The following LGR4 variants were observed in gnomAD, a reference collection of about 807,000 sequenced individuals.
LGR4 encodes the protein leucine rich repeat containing G protein-coupled receptor 4.
A neutral mutation model predicts 84.8 loss-of-function variants in LGR4; 44 were observed. That is an observed-to-expected ratio of 0.52 (90% CI 0.41 to 0.67). LGR4 has a LOEUF of 0.67. LGR4 is among the 30% of genes least tolerant of loss of function. The pLI, the probability that LGR4 is intolerant of heterozygous loss-of-function variation, is 0.00. For missense variants in LGR4, 1,032 were observed against 1,131.4 expected (o/e 0.91, Z 1.26); for synonymous variants, 429 against 434.3 (o/e 0.99, Z 0.15).
intron 3 of LGR4, 64 bp from the exon 4 acceptor site, chr11:27,391,229 C>G (rs924218335): frequency 3.1e-6 from 2 of 637,610 alleles, no homozygotes; most frequent in Non-Finnish European, 2.5e-6. Flanking sequence ...TAGAAAAATT[C>G]AGAGCCTTTT....
At chr11:27,371,520 T>G (rs1200120904) in intron 17 of LGR4, 95 bp downstream of exon 17, 1 of 833,524 alleles carries the variant, frequency 1.2e-6, no homozygotes, top group East Asian at 2.5e-5. Flanking sequence ...GTACCATCCC[T>G]ATTACAGAAA....
intron 4 of LGR4, among the ~76,000 whole-genome samples, chr11:27,389,793 AGT>A (rs1381241597): frequency 1.3e-5 from 2 of 152,140 alleles, no homozygotes; most frequent in Non-Finnish European, 2.9e-5. Flanking sequence ...GAGGTGAGAG[AGT>A]GTGTGAAGTC....
intron 4 of LGR4, among the ~76,000 whole-genome samples, chr11:27,386,351 A>G (rs932395508): frequency 1.3e-5 from 2 of 152,236 alleles, no homozygotes; most frequent in African/African-American, 4.8e-5. Flanking sequence ...ACAATCTGGT[A>G]TTAATATGAT....
intron 1 of LGR4, among the ~76,000 whole-genome samples, chr11:27,459,539 C>T (rs981319710): frequency 3.3e-5 from 5 of 151,034 alleles, no homozygotes; most frequent in South Asian, 2.1e-4. Flanking sequence ...TGCAGTGGTG[C>T]GATCTCGGTT....
intron 4 of LGR4, among the ~76,000 whole-genome samples, chr11:27,388,774 T>C (rs1361482403): frequency 4.6e-5 from 7 of 152,130 alleles, no homozygotes; most frequent in Non-Finnish European, 1.0e-4. Flanking sequence ...AATGTAAGTG[T>C]TATAAACATA....
chr11:27,369,143 C>T lies in LGR4; in HGVS notation c.1580G>A (p.Gly527Asp). ...QIIIHCTPSTGAFKPCEYLLG... is the reference protein window; with the variant it reads ...QIIIHCTPSTDAFKPCEYLLG... ...TAAATATTCACAGGGCTTAAAAGCACCTAAAAAAAACACACACAGAGAGAG... is the reference window on the plus strand; with the variant it reads ...TAAATATTCACAGGGCTTAAAAGCATCTAAAAAAAACACACACAGAGAGAG... The change falls in exon 18 of 18, where the codon GGT becomes GAT. Residue 527 changes from glycine to aspartate, a missense_variant and splice_region_variant. Transcript: ENST00000379214. The T allele has an allele frequency of 6.4e-7, 1 of 1,562,256 alleles. No homozygotes were observed. Among genetic ancestry groups the T allele is most frequent in the Non-Finnish European group, 8.6e-7 (1 of 1,157,604 alleles).
At chr11:27,427,480 G>T (rs1449984418) in intron 1 of LGR4, among the ~76,000 whole-genome samples, 1 of 152,116 alleles carries the variant, frequency 6.6e-6, no homozygotes, top group African/African-American at 2.4e-5. Flanking sequence ...CTGCAGTCTC[G>T]GAACAACCTA....
chr11:27,368,664 A>G lies in LGR4; in HGVS notation c.2059T>C (p.Tyr687His). 6.2e-7 allele frequency: 1 copy of G among 1,613,842 alleles called. No individual in the cohort carries two copies. The highest frequency in any genetic ancestry group is 8.5e-7 in the Non-Finnish European group (1 of 1,179,876). The change falls in exon 18 of 18, where the codon TAT becomes CAT. Residue 687 changes from tyrosine to histidine, a missense_variant. Physicochemically the swap from Tyr to His is moderately conservative, Grantham distance 83. Transcript: ENST00000379214. Reference protein sequence around the residue: ...GCFPLFHRGEYSASPLCLPFP... With the variant: ...GCFPLFHRGEHSASPLCLPFP... ...GGCAAACAAAGGGGTGATGCAGAAT[A>G]TTCCCCTCTATGGAAAAGGGGAAAA... is the stretch of plus-strand genomic sequence containing the variant.
At chr11:27,378,885 C>T (rs1863038106) in intron 10 of LGR4, 117 bp from the exon 11 acceptor site, 2 of 674,568 alleles carry the variant, frequency 3.0e-6, no homozygotes, top group Non-Finnish European at 2.6e-6. Flanking sequence ...CTATACATCC[C>T]ATGGCCTAAT....
In LGR4 at chr11:27,392,469, CAGA is replaced by C; in HGVS notation, c.304_306del (p.Ser102del). On this transcript the variant is annotated inframe_deletion, in exon 3 of 18. Transcript: ENST00000379214. Reference sequence around the variant, plus strand: ...TACAGAACTTTGAGTTCTTTCAACCCAGACAAGGCCTTTGGGTGGATAAAAGAA... The same window carrying C: ...TACAGAACTTTGAGTTCTTTCAACCCCAAGGCCTTTGGGTGGATAAAAGAA... 1.3e-6 allele frequency: 2 copies of C among 1,593,246 alleles called. No homozygotes were observed. The highest frequency in any genetic ancestry group is 1.7e-6 in the Non-Finnish European group (2 of 1,173,280).
intron 2 of LGR4, among the ~76,000 whole-genome samples, chr11:27,402,747 C>T (rs951101430): frequency 1.3e-5 from 2 of 152,164 alleles, no homozygotes; most frequent in Non-Finnish European, 2.9e-5. Context: ...GTGCGGTATG[C>T]TCAAGATGCC....
chr11:27,466,421 G>A (rs1864778702), intron 1 of LGR4, among the ~76,000 whole-genome samples: 1 of 152,126 alleles, frequency 6.6e-6, no homozygotes, highest in Non-Finnish European at 1.5e-5. Context: ...AGAAGAATGA[G>A]AATAAAAGGC....
chr11:27,410,578 A>G (rs928745085), intron 2 of LGR4, among the ~76,000 whole-genome samples: 4 of 152,150 alleles, frequency 2.6e-5, no homozygotes, highest in Non-Finnish European at 5.9e-5. Context: ...GGAATGTCAA[A>G]ATCAACTACA....
chr11:27,406,387 T>C (rs1046751764), intron 2 of LGR4, among the ~76,000 whole-genome samples: 2 of 152,158 alleles, frequency 1.3e-5, no homozygotes, highest in Non-Finnish European at 2.9e-5. Flanking sequence ...TAGGCAGATC[T>C]GGGATTGACA....
intron 13 of LGR4, among the ~76,000 whole-genome samples, chr11:27,375,592 C>T (rs2133364599): frequency 6.6e-6 from 1 of 152,254 alleles, no homozygotes; most frequent in South Asian, 2.1e-4. Flanking sequence ...CTTTGTGAGT[C>T]ATATACTCTC....
intron 17 of LGR4, among the ~76,000 whole-genome samples, chr11:27,370,998 C>T (rs932582072): frequency 3.3e-5 from 5 of 152,178 alleles, no homozygotes; most frequent in Middle Eastern, 3.2e-3. Context: ...CAGCAGCAAT[C>T]ACTAGTGAAT....
intron 1 of LGR4, among the ~76,000 whole-genome samples, chr11:27,463,194 G>A (rs1307605081): frequency 6.6e-6 from 1 of 151,918 alleles, no homozygotes; most frequent in Non-Finnish European, 1.5e-5. Flanking sequence ...TGAGGCTGCA[G>A]TGAGCCATGA....
At chr11:27,407,649 G>A in intron 2 of LGR4, among the ~76,000 whole-genome samples, 1 of 152,032 alleles carries the variant, frequency 6.6e-6, no homozygotes, top group East Asian at 1.9e-4. Flanking sequence ...TTATTATTCT[G>A]GATAATATCC....
chr11:27,451,958 G>A (rs1261895379), intron 1 of LGR4, among the ~76,000 whole-genome samples: 6 of 152,162 alleles, frequency 3.9e-5, no homozygotes, highest in Non-Finnish European at 7.3e-5. Context: ...ACATAAAAGA[G>A]AATTCACATA....
Sources: allele counts gnomAD v4.1 joint callset (sites outside exome capture counted in the v4.1 genomes callset), GRCh38; gene constraint gnomAD v4.1.1; transcripts MANE v1.5; gene names NCBI Gene and HGNC (gene_info 2026-07-23, HGNC 2026-07-21).